HECW2: variants seen among roughly 807,000 people sequenced by gnomAD.
HECW2 encodes E3 ubiquitin-protein ligase HECW2.
Under a neutral mutation model 175.2 loss-of-function variants are expected in HECW2, and 61 were observed. The ratio of observed to expected loss-of-function variants is 0.35; its 90% CI spans 0.28 to 0.43. The LOEUF is 0.43. Among genes scored for constraint, HECW2 ranks in the 20% least tolerant of loss-of-function variants. HECW2 has a pLI of 1.00. For synonymous variants in HECW2, 671 were observed against 731.0 expected (o/e 0.92, Z 1.32); for missense variants, 1,524 against 2,000.5 (o/e 0.76, Z 4.54).
chr2:196,229,790 T>C (rs372200633), intron 21 of HECW2, among the ~76,000 whole-genome samples: 1 of 152,254 alleles, frequency 6.6e-6, no homozygotes, highest in South Asian at 2.1e-4. Flanking sequence ...ATATGTACCA[T>C]TATTAATATT....
chr2:196,357,259 T>C (rs1476872624), intron 2 of HECW2, among the ~76,000 whole-genome samples: 4 of 145,470 alleles, frequency 2.7e-5, no homozygotes, highest in Admixed American at 2.7e-4. Context: ...GATACAAATA[T>C]CCACCTTAGT....
intron 2 of HECW2, among the ~76,000 whole-genome samples, chr2:196,351,169 A>T (rs1251865730): frequency 6.6e-6 from 1 of 151,778 alleles, no homozygotes; most frequent in African/African-American, 2.4e-5. Context: ...GTAGTCTTTT[A>T]AAAAACTAAT....
intron 7 of HECW2, among the ~76,000 whole-genome samples, chr2:196,321,393 T>C (rs1488486782): frequency 5.5e-5 from 8 of 146,742 alleles, no homozygotes; most frequent in African/African-American, 2.0e-4. Context: ...TTTTCTCTCT[T>C]TTTTTTTTTT....
At chr2:196,364,249 T>C (rs1486752330) in intron 2 of HECW2, among the ~76,000 whole-genome samples, 1 of 152,242 alleles carries the variant, frequency 6.6e-6, no homozygotes, top group Non-Finnish European at 1.5e-5. Context: ...CATGTGACTA[T>C]CTATTTTCCT....
chr2:196,229,876 G>A (rs1026135926), intron 21 of HECW2, among the ~76,000 whole-genome samples: 2 of 152,088 alleles, frequency 1.3e-5, no homozygotes, highest in Non-Finnish European at 2.9e-5. Flanking sequence ...AAGTTTTGAT[G>A]TGCTAGCTCT....
At chr2:196,384,152 A>T (rs35011949) in intron 2 of HECW2, among the ~76,000 whole-genome samples, 38,830 of 152,108 alleles carry the variant, frequency 0.26, 6,368 homozygotes, top group African/African-American at 0.47. Flanking sequence ...AAGCTCATTC[A>T]GCACTGTTCA....
chr2:196,514,358 C>T (rs970687575), intron 1 of HECW2, among the ~76,000 whole-genome samples: 1 of 152,184 alleles, frequency 6.6e-6, no homozygotes, highest in Non-Finnish European at 1.5e-5. Flanking sequence ...AGGAGGAGAC[C>T]ACAGTGGGGC....
At chr2:196,528,961 T>C (rs1688757548) in intron 1 of HECW2, among the ~76,000 whole-genome samples, 2 of 152,264 alleles carry the variant, frequency 1.3e-5, no homozygotes, top group African/African-American at 4.8e-5. Context: ...GAGTTGGGGT[T>C]ACCCAGAACC....
At chr2:196,206,648 T>C (rs1311971999) in intron 28 of HECW2, among the ~76,000 whole-genome samples, 1 of 152,234 alleles carries the variant, frequency 6.6e-6, no homozygotes, top group Non-Finnish European at 1.5e-5. Context: ...ATGAAAAGTC[T>C]GGTTTCTGTC....
intron 1 of HECW2, among the ~76,000 whole-genome samples, chr2:196,577,225 T>C (rs111242007): frequency 8.7e-4 from 133 of 152,298 alleles, no homozygotes; most frequent in African/African-American, 3.1e-3. Context: ...CCAATTGGAA[T>C]ATATATGCCT....
intron 28 of HECW2, among the ~76,000 whole-genome samples, chr2:196,204,255 G>C (rs1258059081): frequency 6.6e-6 from 1 of 152,070 alleles, no homozygotes; most frequent in Non-Finnish European, 1.5e-5. Context: ...TTTTCATAGT[G>C]GCTGCAACAT....
chr2:196,309,222 C>T (rs1691387981), intron 10 of HECW2, among the ~76,000 whole-genome samples: 1 of 152,180 alleles, frequency 6.6e-6, no homozygotes, highest in African/African-American at 2.4e-5. Context: ...CAGCCTGCAC[C>T]AGACCATTGC....
intron 1 of HECW2, among the ~76,000 whole-genome samples, chr2:196,488,629 TACACACACAC>T (rs139434140): frequency 3.3e-4 from 49 of 147,182 alleles, no homozygotes; most frequent in Middle Eastern, 3.5e-3. Context: ...GAAGAATGAA[TACACACACAC>T]ACACACACAC....
intron 1 of HECW2, among the ~76,000 whole-genome samples, chr2:196,469,294 C>T (rs1697100289): frequency 1.3e-5 from 2 of 152,006 alleles, no homozygotes; most frequent in African/African-American, 4.8e-5. Context: ...AGAAACAGAA[C>T]CAAGTTTCTG....
chr2:196,592,823 G>A (rs2125542899), intron 1 of HECW2: 1 of 150,904 alleles, frequency 6.6e-6, no homozygotes, highest in African/African-American at 2.4e-5. Flanking sequence ...CGGCCGCGGG[G>A]CGGGAGGGCG....
At chr2:196,428,600 C>A (rs1695616246) in intron 2 of HECW2, among the ~76,000 whole-genome samples, 1 of 152,156 alleles carries the variant, frequency 6.6e-6, no homozygotes, top group Non-Finnish European at 1.5e-5. Flanking sequence ...TTATTCCCAA[C>A]ACAGTATTGG....
intron 2 of HECW2, among the ~76,000 whole-genome samples, chr2:196,396,469 T>C (rs1044800406): frequency 3.9e-5 from 6 of 152,282 alleles, no homozygotes; most frequent in African/African-American, 1.2e-4. Flanking sequence ...CCTGAACACC[T>C]GGTAAAGAAA....
intron 17 of HECW2, among the ~76,000 whole-genome samples, chr2:196,258,922 T>C (rs1436512473): frequency 1.3e-5 from 2 of 152,202 alleles, no homozygotes; most frequent in African/African-American, 4.8e-5. Flanking sequence ...TTAGTTCTTA[T>C]CTACAAGCAA....
intron 1 of HECW2, among the ~76,000 whole-genome samples, chr2:196,474,901 A>G (rs1366202072): frequency 2.0e-5 from 3 of 152,208 alleles, no homozygotes; most frequent in Non-Finnish European, 4.4e-5. Flanking sequence ...ATTTATTAGA[A>G]TATGTTCAAT....
Sources: gnomAD v4.1 joint callset for allele counts (sites outside exome capture counted in the v4.1 genomes callset) on GRCh38, gnomAD v4.1.1 for gene constraint, MANE v1.5 for transcripts, NCBI Gene and HGNC (gene_info 2026-07-23, HGNC 2026-07-21) for gene names.